The following GOLIM4 variants were observed in gnomAD, a reference collection of about 807,000 sequenced individuals.
GOLIM4 encodes 130 kDa golgi-localized phosphoprotein.
Under a neutral mutation model 107.4 loss-of-function variants are expected in GOLIM4, and 71 were observed. The ratio of observed to expected loss-of-function variants is 0.66; its 90% CI spans 0.55 to 0.81. The LOEUF is 0.81. Among genes scored for constraint, GOLIM4 ranks in the 30% least tolerant of loss-of-function variants. The pLI, the probability that GOLIM4 is intolerant of heterozygous loss-of-function variation, is 0.00. For synonymous variants in GOLIM4, 327 were observed against 294.8 expected, an observed-to-expected ratio of 1.11 and a Z score of -1.12; for missense variants, 830 against 826.1, an observed-to-expected ratio of 1.00 and a Z score of -0.06.
chr3:168,092,140 C>T (rs1035463464), intron 1 of GOLIM4, among the ~76,000 whole-genome samples: 1 of 152,162 alleles, frequency 6.6e-6, no homozygotes, highest in Non-Finnish European at 1.5e-5. Context: ...GACAATGGAG[C>T]ATGGCTCACT....
chr3:168,077,262 G>A (rs149818055), intron 1 of GOLIM4, among the ~76,000 whole-genome samples: 2,694 of 152,212 alleles, frequency 0.018, 82 homozygotes, highest in African/African-American at 0.062. Context: ...CTTACCACTC[G>A]GAGGGGCAGA....
At chr3:168,083,500 T>G (rs1452711021) in intron 1 of GOLIM4, among the ~76,000 whole-genome samples, 4 of 152,218 alleles carry the variant, frequency 2.6e-5, no homozygotes, top group Non-Finnish European at 5.9e-5. Context: ...ATTTTTAATT[T>G]TCCCAGGTCA....
At chr3:168,076,156 T>C (rs1199354617) in intron 1 of GOLIM4, among the ~76,000 whole-genome samples, 1 of 152,234 alleles carries the variant, frequency 6.6e-6, no homozygotes, top group South Asian at 2.1e-4. Flanking sequence ...TGAACATTTA[T>C]AGTTGCCACA....
intron 15 of GOLIM4, 102 bp from the exon 16 acceptor site, chr3:168,010,520 A>G: frequency 1.1e-6 from 1 of 884,820 alleles, no homozygotes; most frequent in East Asian, 2.6e-5. Context: ...TTTTGGAGGA[A>G]AAAAAAGGAA....
intron 1 of GOLIM4, among the ~76,000 whole-genome samples, chr3:168,075,285 A>ATTT (rs1721011910): frequency 4.3e-5 from 5 of 115,094 alleles, no homozygotes; most frequent in African/African-American, 1.4e-4. Context: ...GACATTCACT[A>ATTT]GTTTTTTTTT....
intron 12 of GOLIM4, among the ~76,000 whole-genome samples, chr3:168,025,434 A>C (rs923700632): frequency 9.4e-5 from 14 of 148,442 alleles, no homozygotes; most frequent in Admixed American, 2.7e-4. Context: ...ACCAAGTGAC[A>C]AAAAAAATAC....
intron 7 of GOLIM4, among the ~76,000 whole-genome samples, chr3:168,038,935 GTC>G (rs767016768): frequency 9.9e-5 from 15 of 152,140 alleles, no homozygotes; most frequent in South Asian, 4.1e-4. Flanking sequence ...AGCTTTCTTG[GTC>G]TCTTTCTGCT....
intron 1 of GOLIM4, among the ~76,000 whole-genome samples, chr3:168,066,900 T>C (rs1720577118): frequency 6.6e-6 from 1 of 152,162 alleles, no homozygotes; most frequent in South Asian, 2.1e-4. Flanking sequence ...TCTGAAGAGT[T>C]ATTTCATAAG....
chr3:168,030,080 C>G, intron 9 of GOLIM4, 44 bp from the exon 10 acceptor site: 1 of 1,586,054 alleles, frequency 6.3e-7, no homozygotes, highest in Non-Finnish European at 8.6e-7. Context: ...GGGTTAGCTC[C>G]TCTGGGTTTT....
At chr3:168,039,927 C>T (rs1324369982) in intron 7 of GOLIM4, among the ~76,000 whole-genome samples, 2 of 152,202 alleles carry the variant, frequency 1.3e-5, no homozygotes, top group Non-Finnish European at 2.9e-5. Flanking sequence ...CTCACAAACA[C>T]AGATGCTACA....
chr3:168,023,865 G>T (rs1717847337), intron 14 of GOLIM4, among the ~76,000 whole-genome samples: 1 of 152,136 alleles, frequency 6.6e-6, no homozygotes, highest in African/African-American at 2.4e-5. Flanking sequence ...TACACCGTAA[G>T]CAGCACCACA....
intron 14 of GOLIM4, among the ~76,000 whole-genome samples, chr3:168,017,626 G>C (rs1179968376): frequency 6.6e-6 from 1 of 152,194 alleles, no homozygotes; most frequent in Non-Finnish European, 1.5e-5. Context: ...TCTAGATCAA[G>C]CTTGTCCAAC....
intron 1 of GOLIM4, among the ~76,000 whole-genome samples, chr3:168,081,067 G>A (rs969976539): frequency 2.0e-5 from 3 of 152,224 alleles, no homozygotes; most frequent in African/African-American, 4.8e-5. Flanking sequence ...GTAGCAGCCT[G>A]TGGTGAATGT....
chr3:168,020,540 A>G (rs1717621054), intron 14 of GOLIM4, among the ~76,000 whole-genome samples: 1 of 152,212 alleles, frequency 6.6e-6, no homozygotes, highest in Admixed American at 6.5e-5. Flanking sequence ...CCTTATTCAC[A>G]GCAAAGACAA....
chr3:168,080,305 AAG>A (rs1195012926), intron 1 of GOLIM4, among the ~76,000 whole-genome samples: 1 of 152,204 alleles, frequency 6.6e-6, no homozygotes, highest in Non-Finnish European at 1.5e-5. Context: ...AAAAAGTAGA[AAG>A]TAATTGTGCA....
rs781114947 is a variant in GOLIM4, at chr3:168,095,310, G to A, written c.-25C>T. The A allele has an allele frequency of 2.3e-5, 36 of 1,599,824 alleles. No individual in the cohort carries two copies. In the Admixed American group the frequency reaches 5.9e-4, roughly 26 times the overall value. ...TAGTCCCGCCTGGACCCAAAGCCGC[G>A]GCCGCCCCCGCCGTCTCCTCCCCTT... On this transcript the variant is annotated 5_prime_UTR_variant, in exon 1 of 16. Coordinates refer to ENST00000470487, the MANE Select transcript of GOLIM4 (RefSeq NM_014498.5).
intron 7 of GOLIM4, among the ~76,000 whole-genome samples, chr3:168,039,263 AATT>A (rs1187991657): frequency 6.9e-6 from 1 of 145,040 alleles, no homozygotes; most frequent in African/African-American, 2.6e-5. Flanking sequence ...AGAAAAAAAA[AATT>A]TTTTTTTTTT....
chr3:168,095,504 C>T lies in GOLIM4; in HGVS notation c.-219G>A, dbSNP rs1198696950. 5.8e-6 allele frequency: 3 copies of T among 515,460 alleles called. No homozygotes were observed. The highest frequency in any genetic ancestry group is 1.0e-5 in the Non-Finnish European group (3 of 294,566). 31.9% of individuals were successfully genotyped at this position (515,460 alleles called of 1,614,324 possible). On this transcript the variant is annotated 5_prime_UTR_variant, in exon 1 of 16. Transcript: ENST00000470487. ...CGCCGCCCGGGCAGCTGCAGCCAAACTTCTGCGAGGCTCGTTCTCCGCGAA... is the reference window on the plus strand; with the variant it reads ...CGCCGCCCGGGCAGCTGCAGCCAAATTTCTGCGAGGCTCGTTCTCCGCGAA...
intron 1 of GOLIM4, among the ~76,000 whole-genome samples, chr3:168,060,927 T>C (rs966626341): frequency 8.8e-5 from 13 of 147,000 alleles, no homozygotes; most frequent in Non-Finnish European, 1.5e-4. Context: ...ATCTGCATGA[T>C]TGTAAAATTA....
Sources: gnomAD v4.1 joint callset for allele counts (sites outside exome capture counted in the v4.1 genomes callset) on GRCh38, gnomAD v4.1.1 for gene constraint, MANE v1.5 for transcripts, NCBI Gene and HGNC (gene_info 2026-07-23, HGNC 2026-07-21) for gene names.